Variants in GRM5 observed in about 807,000 individuals in gnomAD.
The protein encoded by GRM5 is metabotropic glutamate receptor 5.
In GRM5, 19 loss-of-function variants were observed where a neutral mutation model predicts 83.1. The observed-to-expected ratio is 0.23, with a 90% CI of 0.16 to 0.34. The LOEUF (loss-of-function observed/expected upper bound fraction) is 0.34, where lower values mean the gene tolerates loss of function less well. GRM5 is among the 10% of genes least tolerant of loss of function. GRM5 has a pLI of 1.00. For missense variants in GRM5, 1,160 were observed against 1,588.3 expected (o/e 0.73, Z 4.58); for synonymous variants, 675 against 633.6 (o/e 1.07, Z -0.98).
intron 2 of GRM5, among the ~76,000 whole-genome samples, chr11:89,043,752 T>C (rs1320235053): frequency 6.6e-6 from 1 of 152,134 alleles, no homozygotes; most frequent in Non-Finnish European, 1.5e-5. Context: ...GGCTCAATTA[T>C]GTGATTGCAA....
At chr11:88,822,771 C>G (rs1212658184) in intron 3 of GRM5, among the ~76,000 whole-genome samples, 1 of 151,510 alleles carries the variant, frequency 6.6e-6, no homozygotes, top group African/African-American at 2.4e-5. Context: ...CATATTCTTT[C>G]TCTCTCTCTT....
intron 3 of GRM5, among the ~76,000 whole-genome samples, chr11:88,706,490 A>G (rs1419716174): frequency 6.6e-6 from 1 of 152,226 alleles, no homozygotes; most frequent in Non-Finnish European, 1.5e-5. Context: ...CACCACATTG[A>G]AGAGTGAAGT....
At chr11:88,714,169 T>G (rs1319785737) in intron 3 of GRM5, among the ~76,000 whole-genome samples, 1 of 152,014 alleles carries the variant, frequency 6.6e-6, no homozygotes, top group African/African-American at 2.4e-5. Flanking sequence ...AGAGAATAAC[T>G]TTTGGAGAAA....
chr11:88,517,619 A>G (rs1259779334), intron 9 of GRM5, among the ~76,000 whole-genome samples: 1 of 152,142 alleles, frequency 6.6e-6, no homozygotes, highest in African/African-American at 2.4e-5. Flanking sequence ...GATTAGTTGG[A>G]CACAATTCCC....
intron 2 of GRM5, among the ~76,000 whole-genome samples, chr11:89,031,345 T>C (rs2135125050): frequency 6.6e-6 from 1 of 152,066 alleles, no homozygotes; most frequent in Non-Finnish European, 1.5e-5. Context: ...AATTTAATCT[T>C]TTTGATTATT....
chr11:88,703,106 G>C (rs184345855), intron 3 of GRM5, among the ~76,000 whole-genome samples: 1 of 152,038 alleles, frequency 6.6e-6, no homozygotes, highest in African/African-American at 2.4e-5. Context: ...GAAGAATCCA[G>C]TCTAAAATGT....
intron 3 of GRM5, among the ~76,000 whole-genome samples, chr11:88,667,367 A>AT (rs1405072012): frequency 6.6e-6 from 1 of 152,154 alleles, no homozygotes; most frequent in Admixed American, 6.5e-5. Flanking sequence ...CAAATGTGCA[A>AT]CCAGCATGAA....
intron 3 of GRM5, among the ~76,000 whole-genome samples, chr11:88,773,264 G>A (rs941091799): frequency 2.6e-5 from 4 of 152,024 alleles, no homozygotes; most frequent in African/African-American, 9.7e-5. Flanking sequence ...AGAAGTGTCT[G>A]TCTGTTCATA....
rs77131570 is a variant in GRM5 at position 89,056,986 on chromosome 11, T to C, written c.-201+8790A>G. Among the ~76,000 whole-genome samples the C allele has an allele frequency of 4.7e-3, 720 of 152,252 alleles. 3 individuals are homozygous for C. Among genetic ancestry groups the C allele is most frequent in the Non-Finnish European group, 8.1e-3 (554 of 67,988 alleles). On this transcript the variant is annotated intron_variant, in intron 1 of 9. Coordinates refer to ENST00000305447, the MANE Select transcript of GRM5 (RefSeq NM_001143831.3). Reference sequence around the variant, plus strand: ...TCCTAAATGATATGAAAAAGAGATATTGATGGATAAACTTTGCCATAAATT... The same window carrying C: ...TCCTAAATGATATGAAAAAGAGATACTGATGGATAAACTTTGCCATAAATT...
chr11:88,659,249 G>A (rs1939842619), intron 3 of GRM5, among the ~76,000 whole-genome samples: 1 of 152,110 alleles, frequency 6.6e-6, no homozygotes, highest in Non-Finnish European at 1.5e-5. Context: ...GAAAAGAACA[G>A]GTTTTTTGTG....
intron 8 of GRM5, among the ~76,000 whole-genome samples, chr11:88,547,220 T>C (rs1221238848): frequency 1.3e-5 from 2 of 152,096 alleles, no homozygotes; most frequent in African/African-American, 2.4e-5. Context: ...ATGGATTTAT[T>C]TGATATAAAA....
intron 2 of GRM5, among the ~76,000 whole-genome samples, chr11:89,027,136 G>GC (rs1941145560): frequency 6.7e-6 from 1 of 149,130 alleles, no homozygotes; most frequent in Non-Finnish European, 1.5e-5. Flanking sequence ...TCCCTCTGTT[G>GC]CCAGGCTGGA....
At chr11:88,822,694 A>G (rs1346671679) in intron 3 of GRM5, among the ~76,000 whole-genome samples, 1 of 151,986 alleles carries the variant, frequency 6.6e-6, no homozygotes, top group Non-Finnish European at 1.5e-5. Context: ...AATGTGGTAC[A>G]TCTTTCCCTT....
At chr11:88,631,137 G>C (rs866324907) in intron 4 of GRM5, among the ~76,000 whole-genome samples, 5 of 152,056 alleles carry the variant, frequency 3.3e-5, no homozygotes, top group South Asian at 4.1e-4. Context: ...TGGTGATGTG[G>C]GCAAACTCAT....
chr11:88,813,234 T>C (rs572941354), intron 3 of GRM5, among the ~76,000 whole-genome samples: 1 of 152,196 alleles, frequency 6.6e-6, no homozygotes, highest in Admixed American at 6.5e-5. Flanking sequence ...AACAAGTTGC[T>C]GACATTTTAT....
intron 2 of GRM5, among the ~76,000 whole-genome samples, chr11:88,989,774 C>T (rs866174167): frequency 0.02 from 2,989 of 146,804 alleles, 77 homozygotes; most frequent in African/African-American, 0.071. Context: ...GGGTACATAA[C>T]GAAATGAAGG....
At chr11:88,875,609 A>C (rs1944840304) in intron 2 of GRM5, among the ~76,000 whole-genome samples, 2 of 152,088 alleles carry the variant, frequency 1.3e-5, no homozygotes, top group African/African-American at 4.8e-5. Flanking sequence ...AATCTGAAGA[A>C]TCACAATCTG....
chr11:88,728,040 A>G (rs1385573522), intron 3 of GRM5, among the ~76,000 whole-genome samples: 1 of 152,196 alleles, frequency 6.6e-6, no homozygotes, highest in Non-Finnish European at 1.5e-5. Flanking sequence ...GGAAAACTAA[A>G]GGAGATAGAG....
At chr11:88,876,477 A>T (rs1200834931) in intron 2 of GRM5, among the ~76,000 whole-genome samples, 2 of 152,110 alleles carry the variant, frequency 1.3e-5, no homozygotes, top group Non-Finnish European at 2.9e-5. Flanking sequence ...CTGGAGTAGC[A>T]TTTTTAAATT....
Sources: gnomAD v4.1 joint callset for allele counts (sites outside exome capture counted in the v4.1 genomes callset) on GRCh38, gnomAD v4.1.1 for gene constraint, MANE v1.5 for transcripts, NCBI Gene and HGNC (gene_info 2026-07-23, HGNC 2026-07-21) for gene names.